Variants in MYH15 observed in about 807,000 individuals in gnomAD.
MYH15 encodes myosin heavy chain 15.
MYH15 carries 227 observed loss-of-function variants against 240.5 expected under a neutral mutation model. The ratio of observed to expected loss-of-function variants is 0.94; its 90% confidence interval spans 0.85 to 1.05. The LOEUF (loss-of-function observed/expected upper bound fraction) is 1.05. Among genes scored for constraint, MYH15 ranks in the 50% least tolerant of loss-of-function variants. MYH15 has a pLI of 0.00. For synonymous variants in MYH15, 785 were observed against 796.7 expected, an observed-to-expected ratio of 0.99 and a Z score of 0.25; for missense variants, 2,217 against 2,247.5, an observed-to-expected ratio of 0.99 and a Z score of 0.27.
intron 35 of MYH15, among the ~76,000 whole-genome samples, chr3:108,395,884 G>A (rs2082456956): frequency 6.6e-6 from 1 of 152,202 alleles, no homozygotes; most frequent in African/African-American, 2.4e-5. Flanking sequence ...TTAGGTTGGG[G>A]AGAGGTCCTT....
intron 32 of MYH15, 43 bp downstream of exon 32, chr3:108,408,237 C>T (rs1194441663): frequency 6.3e-7 from 1 of 1,584,486 alleles, no homozygotes; most frequent in Non-Finnish European, 8.6e-7. Context: ...AGATCTTCTG[C>T]CTTGTCACAG....
chr3:108,453,634 C>T (rs571516192), intron 21 of MYH15, among the ~76,000 whole-genome samples: 2 of 152,202 alleles, frequency 1.3e-5, no homozygotes, highest in Admixed American at 6.5e-5. Flanking sequence ...CAGAACACCT[C>T]GGTCTTTGAA....
In MYH15 at chr3:108,505,771, T is replaced by A. The variant is rs1184896197; in HGVS notation, c.147A>T (p.Lys49Asn). 1 of 1,612,860 alleles carries A rather than the reference T, an allele frequency of 6.2e-7. No individual in the cohort carries two copies. Among genetic ancestry groups the A allele is most frequent in the Admixed American group, 1.7e-5 (1 of 59,932 alleles). Reference protein sequence around the residue: ...GENAYIEAEVKGSEDDGTVIV... With the variant: ...GENAYIEAEVNGSEDDGTVIV... ...TTACTGTTCCATCATCTTCACTCCC[T>A]TTTACCTCAGCCTCGATATAAGCAT... The change falls in exon 2 of 41, where the codon AAA (lysine) becomes AAT (asparagine). Residue 49 changes from lysine (K) to asparagine (N), a missense_variant. Physicochemically the swap from Lys to Asn is moderately conservative, Grantham distance 94. Transcript: ENST00000693548.
chr3:108,459,259 C>T (rs948616719), intron 18 of MYH15, 103 bp downstream of exon 18: 5 of 722,820 alleles, frequency 6.9e-6, no homozygotes, highest in Non-Finnish European at 1.1e-5. Context: ...GAAATTCTAC[C>T]CTTATATAAA....
intron 1 of MYH15, among the ~76,000 whole-genome samples, chr3:108,506,109 C>T (rs1465475889): frequency 2.0e-5 from 3 of 152,230 alleles, no homozygotes; most frequent in African/African-American, 7.2e-5. Flanking sequence ...CCCCTCCCAA[C>T]CCCAACACTT....
intron 16 of MYH15, among the ~76,000 whole-genome samples, chr3:108,461,097 G>A (rs1170303962): frequency 1.3e-5 from 2 of 152,172 alleles, no homozygotes; most frequent in Non-Finnish European, 2.9e-5. Flanking sequence ...ATAGTGCTAA[G>A]TTACTAAGAT....
intron 25 of MYH15, among the ~76,000 whole-genome samples, chr3:108,432,472 G>T (rs899590113): frequency 2.6e-5 from 4 of 152,170 alleles, no homozygotes; most frequent in African/African-American, 7.2e-5. Flanking sequence ...GCCAGCTGCA[G>T]AAATTTGCAT....
chr3:108,506,210 G>T (rs529126645), intron 1 of MYH15, among the ~76,000 whole-genome samples: 2 of 152,022 alleles, frequency 1.3e-5, no homozygotes, highest in Non-Finnish European at 2.9e-5. Flanking sequence ...TTCAGAAAAA[G>T]TCTGGGAACA....
intron 25 of MYH15, among the ~76,000 whole-genome samples, chr3:108,435,699 T>TATATATATATGTATGTATATTTTATATAC (rs1320552221): frequency 1.0e-3 from 145 of 145,536 alleles, no homozygotes; most frequent in African/African-American, 3.2e-3. Flanking sequence ...TATACATATA[T>TATATATATATGTATGTATATTTTATATAC]ATATATATAT....
At chr3:108,392,895 C>T (rs2082431622) in intron 36 of MYH15, among the ~76,000 whole-genome samples, 1 of 152,292 alleles carries the variant, frequency 6.6e-6, no homozygotes, top group East Asian at 1.9e-4. Flanking sequence ...TTCCCTTGGC[C>T]ATCAAACATC....
intron 1 of MYH15, among the ~76,000 whole-genome samples, chr3:108,522,427 A>G (rs546226360): frequency 1.3e-5 from 2 of 152,158 alleles, no homozygotes; most frequent in Non-Finnish European, 2.9e-5. Flanking sequence ...AAGGATCAAA[A>G]CAAGGGTCTT....
intron 25 of MYH15, among the ~76,000 whole-genome samples, chr3:108,431,377 T>G (rs1560356049): frequency 6.6e-6 from 1 of 152,196 alleles, no homozygotes; most frequent in Non-Finnish European, 1.5e-5. Context: ...GGGGCAAGTC[T>G]TTGCTGTGCT....
rs764564051 is a variant in MYH15, at chr3:108,383,636, C to T, written c.5725G>A (p.Val1909Ile). 6.8e-6 allele frequency: 11 copies of T among 1,612,810 alleles called. No homozygotes were observed. In the South Asian group the frequency reaches 1.2e-4, roughly 18 times the overall value. ...KERAEVAESQ[V>I]NKLKIKAREF... ...CTTGCTTTAATTTTGAGTTTATTGA[C>T]TTGAGATTCTGCCACCTCTGCCCTT... is the stretch of plus-strand genomic sequence containing the variant. Residue 1909 changes from valine to isoleucine, a missense_variant, in exon 40 of 41, where the codon GTC becomes ATC. By Grantham distance (29) the Val-to-Ile change is conservative. Transcript: ENST00000693548.
At chr3:108,453,440 GT>G (rs1387423491) in intron 21 of MYH15, among the ~76,000 whole-genome samples, 1 of 152,170 alleles carries the variant, frequency 6.6e-6, no homozygotes, top group African/African-American at 2.4e-5. Flanking sequence ...CAGTCCCTTT[GT>G]TTGGAGATTT....
intron 32 of MYH15, 136 bp downstream of exon 32, chr3:108,408,144 G>A: frequency 1.0e-6 from 1 of 955,580 alleles, no homozygotes; most frequent in African/African-American, 1.7e-5. Flanking sequence ...TTAAAATTAT[G>A]CATTTGGCAG....
chr3:108,446,791 T>G (rs762465142), intron 21 of MYH15, among the ~76,000 whole-genome samples: 1 of 152,160 alleles, frequency 6.6e-6, no homozygotes, highest in Non-Finnish European at 1.5e-5. Context: ...TGCTGTTTCT[T>G]CAAATGTACA....
intron 11 of MYH15, among the ~76,000 whole-genome samples, chr3:108,480,955 A>C (rs2083261686): frequency 6.6e-6 from 1 of 152,322 alleles, no homozygotes; most frequent in East Asian, 1.9e-4. Context: ...GGAAAAATTT[A>C]CCAAAGCTTA....
chr3:108,504,682 G>T (rs952319875), intron 2 of MYH15, among the ~76,000 whole-genome samples: 1 of 152,208 alleles, frequency 6.6e-6, no homozygotes, highest in Non-Finnish European at 1.5e-5. Context: ...GTTCATTTAA[G>T]TAGGACAGAA....
At chr3:108,393,183 T>G (rs919451761) in intron 36 of MYH15, among the ~76,000 whole-genome samples, 4 of 152,228 alleles carry the variant, frequency 2.6e-5, no homozygotes, top group Non-Finnish European at 5.9e-5. Context: ...GGGAATCTGC[T>G]TCCCTTCATG....
Sources: allele counts gnomAD v4.1 joint callset (sites outside exome capture counted in the v4.1 genomes callset), GRCh38; gene constraint gnomAD v4.1.1; transcripts MANE v1.5; gene names NCBI Gene and HGNC (gene_info 2026-07-23, HGNC 2026-07-21).